Variants in CDH13 observed in about 807,000 individuals in gnomAD.
The protein encoded by CDH13 is cadherin 13.
A neutral mutation model predicts 63.8 loss-of-function variants in CDH13; 24 were observed. The observed-to-expected ratio is 0.38, with a 90% CI of 0.27 to 0.53. The LOEUF (loss-of-function observed/expected upper bound fraction) is 0.53, where lower values mean the gene tolerates loss of function less well. Ranked by LOEUF, CDH13 falls within the 20% of genes least tolerant of loss-of-function variation. The pLI is 0.85. For missense variants in CDH13, 1,049 were observed against 903.1 expected (o/e 1.16, Z -2.07); for synonymous variants, 503 against 355.3 (o/e 1.42, Z -4.67).
intron 6 of CDH13, among the ~76,000 whole-genome samples, chr16:83,413,465 T>C (rs1377515228): frequency 2.0e-5 from 3 of 152,222 alleles, no homozygotes; most frequent in African/African-American, 7.2e-5. Flanking sequence ...AATCATCCCT[T>C]TGCTGAGCAT....
chr16:83,307,979 C>T (rs1426373123), intron 5 of CDH13, among the ~76,000 whole-genome samples: 2 of 152,090 alleles, frequency 1.3e-5, no homozygotes, highest in East Asian at 1.9e-4. Context: ...CAGCATGCCA[C>T]CTTCATAATT....
intron 6 of CDH13, among the ~76,000 whole-genome samples, chr16:83,392,439 C>G (rs1169284319): frequency 6.6e-6 from 1 of 152,200 alleles, no homozygotes. Flanking sequence ...ATTCTGAGTG[C>G]TATTTCATGG....
At chr16:83,124,661 T>C (rs1490255096) in intron 3 of CDH13, among the ~76,000 whole-genome samples, 4 of 152,178 alleles carry the variant, frequency 2.6e-5, no homozygotes, top group Non-Finnish European at 4.4e-5. Flanking sequence ...TTTAGGTCTT[T>C]AATCCATCTT....
At chr16:83,426,520 CA>C in intron 6 of CDH13, among the ~76,000 whole-genome samples, 1 of 151,596 alleles carries the variant, frequency 6.6e-6, no homozygotes, top group African/African-American at 2.4e-5. Flanking sequence ...CACACACACA[CA>C]CACACACACA....
At chr16:82,668,391 G>A (rs992142080) in intron 1 of CDH13, among the ~76,000 whole-genome samples, 6 of 152,114 alleles carry the variant, frequency 3.9e-5, no homozygotes, top group African/African-American at 1.2e-4. Context: ...TAGAGGACTC[G>A]ACTTCATTCC....
chr16:83,577,109 G>A (rs1905135527), intron 7 of CDH13, among the ~76,000 whole-genome samples: 1 of 152,180 alleles, frequency 6.6e-6, no homozygotes, highest in Non-Finnish European at 1.5e-5. Context: ...TGGGGGTCAG[G>A]AATCAGTCTG....
At chr16:83,310,763 C>T (rs930559631) in intron 5 of CDH13, among the ~76,000 whole-genome samples, 1 of 152,152 alleles carries the variant, frequency 6.6e-6, no homozygotes, top group African/African-American at 2.4e-5. Flanking sequence ...GCTAAAATTC[C>T]CTCCAGGAGA....
At chr16:83,613,841 T>G (rs186689854) in intron 8 of CDH13, among the ~76,000 whole-genome samples, 1 of 93,514 alleles carries the variant, frequency 1.1e-5, no homozygotes, top group African/African-American at 5.8e-5. Context: ...TCAAAAAAAA[T>G]TTTTTTTAAT....
intron 8 of CDH13, among the ~76,000 whole-genome samples, chr16:83,646,701 A>AC (rs1567478015): frequency 0.017 from 943 of 56,192 alleles, 16 homozygotes; most frequent in African/African-American, 0.069. Context: ...TCAAAAAAAA[A>AC]AAAAAAAAAA....
At chr16:82,974,465 A>C (rs1475224785) in intron 2 of CDH13, among the ~76,000 whole-genome samples, 3 of 152,164 alleles carry the variant, frequency 2.0e-5, no homozygotes, top group Non-Finnish European at 2.9e-5. Flanking sequence ...TTTGCCCAGA[A>C]ATGGAATTTC....
chr16:83,494,941 G>A (rs2074100793), intron 7 of CDH13, among the ~76,000 whole-genome samples: 1 of 152,176 alleles, frequency 6.6e-6, no homozygotes, highest in Admixed American at 6.5e-5. Flanking sequence ...ACAATGAAAG[G>A]CACTTCAAGT....
intron 10 of CDH13, among the ~76,000 whole-genome samples, chr16:83,734,993 G>A (rs1911400555): frequency 1.4e-5 from 1 of 73,188 alleles, no homozygotes; most frequent in Admixed American, 1.2e-4. Context: ...CAATTTCTGT[G>A]GTTATTCAAA....
intron 4 of CDH13, among the ~76,000 whole-genome samples, chr16:83,175,872 A>T (rs1173846163): frequency 1.7e-5 from 2 of 120,458 alleles, no homozygotes; most frequent in Admixed American, 2.3e-4. Context: ...CTTATTGCCC[A>T]GGCTAGAGTG....
chr16:83,572,169 T>G (rs1436687066), intron 7 of CDH13, among the ~76,000 whole-genome samples: 1 of 126,552 alleles, frequency 7.9e-6, no homozygotes. Context: ...TATTCCACTT[T>G]CCTGTGGTGT....
At chr16:82,702,210 T>C (rs1264336508) in intron 1 of CDH13, among the ~76,000 whole-genome samples, 1 of 152,170 alleles carries the variant, frequency 6.6e-6, no homozygotes, top group Non-Finnish European at 1.5e-5. Flanking sequence ...TGCAGATGTG[T>C]TCACTCTGTA....
At chr16:83,149,572 C>G (rs955256839) in intron 4 of CDH13, among the ~76,000 whole-genome samples, 1 of 152,170 alleles carries the variant, frequency 6.6e-6, no homozygotes, top group African/African-American at 2.4e-5. Flanking sequence ...ATACCCTATT[C>G]TTTGTCTACT....
intron 5 of CDH13, among the ~76,000 whole-genome samples, chr16:83,292,841 G>A (rs779328974): frequency 5.9e-5 from 9 of 151,976 alleles, no homozygotes; most frequent in Non-Finnish European, 8.8e-5. Flanking sequence ...CACTTGCATG[G>A]CATAATATAT....
At chr16:83,274,191 C>G (rs1035123080) in intron 5 of CDH13, among the ~76,000 whole-genome samples, 1 of 152,178 alleles carries the variant, frequency 6.6e-6, no homozygotes, top group African/African-American at 2.4e-5. Flanking sequence ...GCCTCAGTGA[C>G]AACCATTCTG....
At chr16:82,688,735 A>C (rs543954689) in intron 1 of CDH13, among the ~76,000 whole-genome samples, 1 of 152,194 alleles carries the variant, frequency 6.6e-6, no homozygotes, top group African/African-American at 2.4e-5. Flanking sequence ...TATATTTTCA[A>C]TATTAAGGAA....
Sources: gnomAD v4.1 joint callset for allele counts (sites outside exome capture counted in the v4.1 genomes callset) on GRCh38, gnomAD v4.1.1 for gene constraint, MANE v1.5 for transcripts, NCBI Gene and HGNC (gene_info 2026-07-23, HGNC 2026-07-21) for gene names.